The following SUSD1 variants were observed in gnomAD, a reference collection of about 807,000 sequenced individuals.
SUSD1 encodes sushi domain containing 1.
SUSD1 carries 65 observed loss-of-function variants against 86.9 expected under a neutral mutation model. The ratio of observed to expected loss-of-function variants is 0.75; its 90% confidence interval spans 0.61 to 0.92. The LOEUF (loss-of-function observed/expected upper bound fraction) is 0.92. Among genes scored for constraint, SUSD1 ranks in the 40% least tolerant of loss-of-function variants. The pLI is 0.00. For synonymous variants in SUSD1, 346 were observed against 350.0 expected (o/e 0.99, Z 0.13); for missense variants, 850 against 929.7 (o/e 0.91, Z 1.11).
chr9:112,102,278 A>G lies in SUSD1; in HGVS notation c.1179T>C (p.Asp393=). 6.5e-7 allele frequency: 1 copy of G among 1,545,960 alleles called. No individual in the cohort carries two copies. Among genetic ancestry groups the G allele is most frequent in the Middle Eastern group, 1.7e-4 (1 of 5,896 alleles). Residue 393 remains aspartate (D), a synonymous_variant, in exon 9 of 17, where the codon GAT becomes GAC. Transcript: ENST00000374270. The part of the protein sequence containing the change: ...AVIGFQTAEV[D]LLEDDGSFNI... The stretch of plus-strand genomic sequence containing the variant: ...TGAAACTTCCATCATCTTCTAAGAG[A>G]TCAACTTCTAAAAGACAAGAGAGAG...
chr9:112,108,774 CAAAAAAAAA>C (rs11312103), intron 8 of SUSD1, among the ~76,000 whole-genome samples: 2 of 68,606 alleles, frequency 2.9e-5, no homozygotes, highest in Non-Finnish European at 6.2e-5. Context: ...CTGGGTGTCT[CAAAAAAAAA>C]AAAAAAAAGA....
At chr9:112,053,392 G>A (rs902823875) in intron 14 of SUSD1, among the ~76,000 whole-genome samples, 3 of 151,274 alleles carry the variant, frequency 2.0e-5, no homozygotes, top group African/African-American at 4.9e-5. Flanking sequence ...GTGGGCGCCT[G>A]TACTCCCAGC....
At chr9:112,149,923 C>T (rs1832972624) in intron 2 of SUSD1, among the ~76,000 whole-genome samples, 1 of 152,208 alleles carries the variant, frequency 6.6e-6, no homozygotes, top group African/African-American at 2.4e-5. Flanking sequence ...TGCTAATGGT[C>T]AATGACCTGT....
At chr9:112,078,789 T>A in intron 11 of SUSD1, 65 bp from the exon 12 acceptor site, 7 of 1,057,332 alleles carry the variant, frequency 6.6e-6, no homozygotes, top group Non-Finnish European at 8.2e-6. Context: ...CCTTGAAACC[T>A]CCCCTTTTCC....
At chr9:112,148,547 G>C (rs755084984) in intron 3 of SUSD1, among the ~76,000 whole-genome samples, 1 of 152,030 alleles carries the variant, frequency 6.6e-6, no homozygotes, top group East Asian at 1.9e-4. Context: ...AAGGACCCCC[G>C]ACCTGTGGTT....
chr9:112,124,214 T>C lies in SUSD1; in HGVS notation c.886+43A>G, dbSNP rs1364765155. ...TTTTAGGCCCTCGGCTCCCACTGGCTGTTTTGTTCCTGGGTAGCAGGAGCC... is the reference window on the plus strand; with the variant it reads ...TTTTAGGCCCTCGGCTCCCACTGGCCGTTTTGTTCCTGGGTAGCAGGAGCC... On this transcript the variant is annotated intron_variant, in intron 6 of 16. Transcript: ENST00000374270. 5.1e-6 allele frequency: 8 copies of C among 1,567,106 alleles called. 2 individuals are homozygous for C. In the South Asian group the frequency reaches 9.4e-5, roughly 18 times the overall value.
chr9:112,110,544 AC>A (rs1831048431), intron 8 of SUSD1, among the ~76,000 whole-genome samples: 1 of 149,082 alleles, frequency 6.7e-6, no homozygotes, highest in Admixed American at 6.7e-5. Context: ...GCACCATCAC[AC>A]CAAGCTAAAT....
intron 14 of SUSD1, among the ~76,000 whole-genome samples, chr9:112,056,736 G>GTGTA (rs1554752461): frequency 0.025 from 3,862 of 151,990 alleles, 155 homozygotes; most frequent in African/African-American, 0.088. Flanking sequence ...GTGTGTGTGT[G>GTGTA]AGACAGGGTC....
chr9:112,121,652 C>T (rs1004833761), intron 6 of SUSD1, among the ~76,000 whole-genome samples: 5 of 152,152 alleles, frequency 3.3e-5, no homozygotes, highest in Non-Finnish European at 5.9e-5. Flanking sequence ...CCAGAATTTC[C>T]GATGGAAAAT....
In SUSD1 at chr9:112,157,597, G is replaced by A. The variant is rs201571903; in HGVS notation, c.120C>T (p.Ala40=). ...GGCATGTGGCATGTTCATGGCAAGT[G>A]GCACAGACGTCTAAACCTGAATCAT... ...APGPDGLDVC[A]TCHEHATCQQ... Residue 40 remains alanine, a synonymous_variant, in exon 2 of 17, where the codon GCC becomes GCT. Coordinates refer to ENST00000374270, the MANE Select transcript of SUSD1 (RefSeq NM_022486.5). 4.1e-4 allele frequency: 658 copies of A among 1,613,658 alleles called. 1 individual carries two copies. Among genetic ancestry groups the A allele is most frequent in the Admixed American group, 8.5e-4 (51 of 59,976 alleles).
chr9:112,108,569 G>T (rs1830943333), intron 8 of SUSD1, among the ~76,000 whole-genome samples: 1 of 152,020 alleles, frequency 6.6e-6, no homozygotes, highest in African/African-American at 2.4e-5. Flanking sequence ...ATTGAGCCCA[G>T]AAGTTCAAGA....
At chr9:112,084,231 G>C (rs939105531) in intron 10 of SUSD1, among the ~76,000 whole-genome samples, 10 of 151,402 alleles carry the variant, frequency 6.6e-5, no homozygotes, top group Admixed American at 2.0e-4. Context: ...ACTTGAAAGG[G>C]AAAAAAAATA....
In SUSD1 at chr9:112,086,534, G is replaced by A. The variant is rs181044592; in HGVS notation, c.1475-6369C>T. On this transcript the variant is annotated intron_variant, in intron 10 of 16. Coordinates refer to ENST00000374270, the MANE Select transcript of SUSD1 (RefSeq NM_022486.5). The stretch of plus-strand genomic sequence containing the variant: ...AGAAAGAAAGAAAGAGAGAGAGAGA[G>A]AAAAAAAGAAAGAAAGAAAGAAAGA... Among the ~76,000 whole-genome samples, 1,183 of 139,950 alleles carry A rather than the reference G, an allele frequency of 8.5e-3. 17 individuals are homozygous for A. The highest frequency in any genetic ancestry group is 0.03 in the African/African-American group (1,088 of 36,204). The allele number at this position is 139,950 out of a possible 152,430, so 91.8% of individuals were successfully genotyped here.
At position 112,175,263 on chromosome 9, in the gene SUSD1, C is replaced by G. The variant is rs1410691669; in HGVS notation, c.-28G>C. ...CGCCGCCGGTCCCTCCCGGCGCGCC[C>G]GCGCCTCCTCCCGGGGCCCTCAGGG... On this transcript the variant is annotated 5_prime_UTR_variant, in exon 1 of 17. Coordinates refer to ENST00000374270, the MANE Select transcript of SUSD1 (RefSeq NM_022486.5). The surrounding 1 kb of genome is among the most constrained non-coding windows in gnomAD (Gnocchi z 4.7). The G allele has an allele frequency of 1.8e-6, 2 of 1,142,566 alleles. No individual in the cohort carries two copies. The highest frequency in any genetic ancestry group is 3.3e-5 in the African/African-American group (2 of 61,108). The allele number at this position is 1,142,566 out of a possible 1,614,324, so 70.8% of individuals were successfully genotyped here.
At chr9:112,172,182 G>C (rs549140293) in intron 1 of SUSD1, among the ~76,000 whole-genome samples, 14 of 131,486 alleles carry the variant, frequency 1.1e-4, no homozygotes, top group Non-Finnish European at 1.9e-4. Flanking sequence ...CTGGGCGACA[G>C]AGTGAGACTG....
intron 6 of SUSD1, among the ~76,000 whole-genome samples, chr9:112,122,825 T>C (rs1332553361): frequency 2.0e-5 from 3 of 152,224 alleles, no homozygotes; most frequent in East Asian, 3.8e-4. Flanking sequence ...TGTTACAACA[T>C]GGATGTATCT....
intron 14 of SUSD1, among the ~76,000 whole-genome samples, chr9:112,053,513 CAAAAAAAAAAA>C (rs56987871): frequency 2.6e-5 from 2 of 77,646 alleles, no homozygotes; most frequent in African/African-American, 6.1e-5. Context: ...GACTTCGTCT[CAAAAAAAAAAA>C]AAAAAAAAAA....
At chr9:112,114,679 G>A (rs1467565334) in intron 6 of SUSD1, among the ~76,000 whole-genome samples, 1 of 152,068 alleles carries the variant, frequency 6.6e-6, no homozygotes, top group East Asian at 1.9e-4. Context: ...CCCATCCCTG[G>A]ATGGGTTTTG....
intron 10 of SUSD1, among the ~76,000 whole-genome samples, chr9:112,089,727 G>T (rs1295171091): frequency 6.6e-6 from 1 of 150,688 alleles, no homozygotes; most frequent in Admixed American, 6.6e-5. Context: ...CAGGAGAATC[G>T]CTCGAACCCG....
Sources: allele counts gnomAD v4.1 joint callset (sites outside exome capture counted in the v4.1 genomes callset), GRCh38; gene constraint gnomAD v4.1.1; non-coding constraint Gnocchi (gnomAD v3.1); transcripts MANE v1.5; gene names NCBI Gene and HGNC (gene_info 2026-07-23, HGNC 2026-07-21).